Variants in TANK observed in about 807,000 individuals in gnomAD.
The protein encoded by TANK is TRAF family member associated NFKB activator, also known as TRAF family member-associated NF-kappa-B activator.
In TANK, 15 loss-of-function variants were observed where a neutral mutation model predicts 43.6. That is an observed-to-expected ratio of 0.34 (90% confidence interval 0.23 to 0.53). The LOEUF (loss-of-function observed/expected upper bound fraction) is 0.53. Among genes scored for constraint, TANK ranks in the 20% least tolerant of loss-of-function variants. The probability of loss-of-function intolerance (pLI) is 0.94; values close to 1 mark genes in which losing one functional copy is unlikely to be tolerated. For synonymous variants in TANK, 162 were observed against 178.2 expected (o/e 0.91, Z 0.73); for missense variants, 417 against 498.6 (o/e 0.84, Z 1.56).
intron 2 of TANK, among the ~76,000 whole-genome samples, chr2:161,187,248 A>G (rs1193825711): frequency 6.6e-6 from 1 of 152,132 alleles, no homozygotes; most frequent in East Asian, 1.9e-4. Flanking sequence ...CCAACATGAC[A>G]AAATCCCATC....
chr2:161,165,604 G>C, intron 1 of TANK, among the ~76,000 whole-genome samples: 1 of 151,932 alleles, frequency 6.6e-6, no homozygotes, highest in East Asian at 1.9e-4. Flanking sequence ...TGTAATACAT[G>C]TTCCTTCCCA....
At chr2:161,138,925 GTTCT>G (rs1354776728) in intron 1 of TANK, among the ~76,000 whole-genome samples, 1 of 152,112 alleles carries the variant, frequency 6.6e-6, no homozygotes, top group Non-Finnish European at 1.5e-5. Context: ...AGACATAGAA[GTTCT>G]TTATTTATCA....
intron 4 of TANK, among the ~76,000 whole-genome samples, chr2:161,221,024 A>G (rs1687318171): frequency 6.6e-6 from 1 of 152,326 alleles, no homozygotes; most frequent in South Asian, 2.1e-4. Flanking sequence ...CACTAAATCA[A>G]AATTCTCCCA....
intron 1 of TANK, among the ~76,000 whole-genome samples, chr2:161,167,689 C>T (rs1359669141): frequency 6.6e-6 from 1 of 152,084 alleles, no homozygotes; most frequent in African/African-American, 2.4e-5. Context: ...GTGGCGCGAT[C>T]TTGTCTCACT....
At chr2:161,161,307 A>T (rs1173505031) in intron 1 of TANK, 1 of 1,550,642 alleles carries the variant, frequency 6.4e-7, no homozygotes, top group South Asian at 1.2e-5. Flanking sequence ...ACAAGTTATA[A>T]TAAGGGAGAG....
chr2:161,143,528 A>T, intron 1 of TANK, among the ~76,000 whole-genome samples: 1 of 152,070 alleles, frequency 6.6e-6, no homozygotes. Context: ...ACATGAAGGG[A>T]TGTTGAATTT....
intron 4 of TANK, chr2:161,222,780 AATTGTT>A (rs1002500693): frequency 2.0e-5 from 3 of 152,028 alleles, no homozygotes; most frequent in African/African-American, 7.2e-5. Flanking sequence ...TAAAATCACA[AATTGTT>A]TGTATTGGCA....
chr2:161,191,309 A>T (rs1341266995), intron 2 of TANK, among the ~76,000 whole-genome samples: 1 of 152,206 alleles, frequency 6.6e-6, no homozygotes, highest in African/African-American at 2.4e-5. Context: ...ACAATTCAAG[A>T]TGTACAGGAT....
intron 1 of TANK, among the ~76,000 whole-genome samples, chr2:161,171,784 A>G (rs1684950066): frequency 6.6e-6 from 1 of 152,202 alleles, no homozygotes; most frequent in Non-Finnish European, 1.5e-5. Context: ...TCGTTAACTC[A>G]TAAGATTTTA....
intron 4 of TANK, chr2:161,207,471 CTTT>C: frequency 2.0e-6 from 2 of 984,164 alleles, no homozygotes; most frequent in Non-Finnish European, 2.4e-6. Context: ...TCAGCTTTCT[CTTT>C]TTTTATGTAT....
intron 2 of TANK, chr2:161,201,216 A>T: frequency 1.0e-6 from 1 of 982,136 alleles, no homozygotes; most frequent in Non-Finnish European, 1.2e-6. Context: ...TAGCTTAAGA[A>T]GTAGTTAAAA....
intron 4 of TANK, chr2:161,212,495 G>C: frequency 2.0e-6 from 2 of 985,298 alleles, no homozygotes; most frequent in Non-Finnish European, 2.4e-6. Flanking sequence ...CTCTGGGTTT[G>C]TGTTTTTGAA....
chr2:161,148,400 G>C (rs952031741), intron 1 of TANK, among the ~76,000 whole-genome samples: 4 of 152,106 alleles, frequency 2.6e-5, no homozygotes, highest in Non-Finnish European at 4.4e-5. Context: ...GTTGAGTCAT[G>C]AGTTTTTTAT....
chr2:161,186,313 T>G (rs767197846), intron 2 of TANK, among the ~76,000 whole-genome samples: 6 of 152,238 alleles, frequency 3.9e-5, no homozygotes, highest in Non-Finnish European at 8.8e-5. Flanking sequence ...CCACATGGGC[T>G]TCCTGTTGTT....
In TANK at chr2:161,229,292, C is replaced by G. The variant is rs72876029; in HGVS notation, c.521-1679C>G. The stretch of plus-strand genomic sequence containing the variant: ...TGAAAGATGAGCATGGAGAGATGAC[C>G]AGGGGCCAGTCATGAACAGTCTAAT... On this transcript the variant is annotated intron_variant, in intron 6 of 7. Coordinates refer to ENST00000392749, the MANE Select transcript of TANK (RefSeq NM_001199135.3). Among the ~76,000 whole-genome samples, 932 of 152,190 alleles carry G rather than the reference C, an allele frequency of 6.1e-3. 8 individuals carry two copies. Among genetic ancestry groups the G allele is most frequent in the Middle Eastern group, 0.02 (6 of 294 alleles).
intron 2 of TANK, among the ~76,000 whole-genome samples, chr2:161,183,208 C>CTCTTGGT (rs1247153832): frequency 8.5e-5 from 13 of 152,096 alleles, no homozygotes; most frequent in African/African-American, 3.1e-4. Flanking sequence ...TGTGAGTCTC[C>CTCTTGGT]TCTTGGTTTA....
intron 2 of TANK, among the ~76,000 whole-genome samples, chr2:161,190,854 GA>G (rs1313893263): frequency 5.3e-5 from 8 of 152,068 alleles, no homozygotes; most frequent in African/African-American, 1.9e-4. Context: ...TAGGAAGGAT[GA>G]AAAAAGTTTC....
chr2:161,219,681 CT>C, intron 4 of TANK: 1 of 425,756 alleles, frequency 2.3e-6, no homozygotes, highest in Admixed American at 3.4e-5. Context: ...ATACCTTAAT[CT>C]TTTTCTGTCT....
At chr2:161,185,727 G>GGGGAGGGATAGCATT in intron 2 of TANK, among the ~76,000 whole-genome samples, 2 of 108,754 alleles carry the variant, frequency 1.8e-5, no homozygotes, top group South Asian at 7.6e-4. Context: ...TGGGGGGAGG[G>GGGGAGGGATAGCATT]GGGAGGGATA....
Sources: allele counts gnomAD v4.1 joint callset (sites outside exome capture counted in the v4.1 genomes callset), GRCh38; gene constraint gnomAD v4.1.1; transcripts MANE v1.5; gene names NCBI Gene and HGNC (gene_info 2026-07-23, HGNC 2026-07-21).